Variants in RALYL observed in about 807,000 individuals in gnomAD.
RALYL encodes the protein RALY RNA binding protein like.
In RALYL, 29 loss-of-function variants were observed where a neutral mutation model predicts 35.1. The ratio of observed to expected loss-of-function variants is 0.83; its 90% CI spans 0.61 to 1.13. The LOEUF is 1.13. Among genes scored for constraint, RALYL ranks in the 50% most tolerant of loss-of-function variants. The pLI is 0.00. For missense variants in RALYL, 359 were observed against 360.4 expected (o/e 1.00, Z 0.03); for synonymous variants, 120 against 127.6 (o/e 0.94, Z 0.40).
chr8:84,478,979 G>T (rs1488983655), intron 1 of RALYL, among the ~76,000 whole-genome samples: 2 of 145,672 alleles, frequency 1.4e-5, no homozygotes, highest in Non-Finnish European at 3.0e-5. Flanking sequence ...CCAGCTACTC[G>T]GGAGGCTGAG....
intron 2 of RALYL, among the ~76,000 whole-genome samples, chr8:84,550,974 A>G (rs2060679761): frequency 6.6e-6 from 1 of 152,070 alleles, no homozygotes; most frequent in Non-Finnish European, 1.5e-5. Context: ...CATTAAATAG[A>G]GAAATTAAGA....
At chr8:84,305,751 C>T (rs1393350855) in intron 1 of RALYL, among the ~76,000 whole-genome samples, 2 of 152,108 alleles carry the variant, frequency 1.3e-5, no homozygotes, top group South Asian at 2.1e-4. Flanking sequence ...GCATTCATCC[C>T]AGCAGGTTGC....
chr8:84,579,672 T>C (rs575237762), intron 2 of RALYL, among the ~76,000 whole-genome samples: 3 of 152,360 alleles, frequency 2.0e-5, no homozygotes, highest in African/African-American at 7.2e-5. Context: ...TTATTTTAGT[T>C]ACTTGGGTTA....
chr8:84,756,643 C>G (rs1347079519), intron 2 of RALYL, among the ~76,000 whole-genome samples: 1 of 152,074 alleles, frequency 6.6e-6, no homozygotes, highest in African/African-American at 2.4e-5. Flanking sequence ...TGGAGCCCCA[C>G]TCTGAGGAGA....
intron 8 of RALYL, among the ~76,000 whole-genome samples, chr8:84,915,552 T>TCTACA (rs1848337916): frequency 6.6e-6 from 1 of 152,072 alleles, no homozygotes. Context: ...TATCTACAAA[T>TCTACA]AGAGCAAGCT....
At position 84,350,033 on chromosome 8, in the gene RALYL, T is replaced by TGGAGCCTAGGTCATATGTCTGG. The variant is rs529073749; in HGVS notation, c.-24+165630_-24+165631insGGGAGCCTAGGTCATATGTCTG. 7.3e-5 allele frequency among the ~76,000 whole-genome samples: 11 copies of TGGAGCCTAGGTCATATGTCTGG among 150,832 alleles called. No homozygotes were observed. The South Asian group carries it at 2.1e-3, about 29-fold the overall frequency. ...TCTCTTGATTTTTGCATTTGATTTC[T>TGGAGCCTAGGTCATATGTCTGG]GGAGCCTAGGTCATATGTCTGTATC... On this transcript the variant is annotated intron_variant, in intron 1 of 8. Transcript: ENST00000521268.
At chr8:84,657,136 A>C (rs1452897672) in intron 2 of RALYL, among the ~76,000 whole-genome samples, 2 of 152,206 alleles carry the variant, frequency 1.3e-5, no homozygotes, top group African/African-American at 4.8e-5. Flanking sequence ...TCTAGTGAAT[A>C]GTAACAAATC....
At chr8:84,207,538 AG>A (rs1818335798) in intron 1 of RALYL, among the ~76,000 whole-genome samples, 1 of 152,064 alleles carries the variant, frequency 6.6e-6, no homozygotes, top group African/African-American at 2.4e-5. Flanking sequence ...AGCAGAGAGT[AG>A]AATCATGGTT....
chr8:84,576,987 C>G (rs141368632), intron 2 of RALYL, among the ~76,000 whole-genome samples: 2 of 152,352 alleles, frequency 1.3e-5, no homozygotes, highest in African/African-American at 4.8e-5. Flanking sequence ...TGTAATTCCA[C>G]CACCTTGACT....
rs796107998 is a variant in RALYL, at chr8:84,263,919, C to T, written c.-24+79495C>T. On this transcript the variant is annotated intron_variant, in intron 1 of 8. Transcript: ENST00000521268. The stretch of plus-strand genomic sequence containing the variant: ...TGAGGATAATGGCTTCCAGCTTCAT[C>T]CATGTCCCTGCAAAGGACATGATCT... Among the ~76,000 whole-genome samples the T allele has an allele frequency of 1.4e-4, 22 of 152,258 alleles. 2 individuals are homozygous for T. Among genetic ancestry groups the T allele is most frequent in the African/African-American group, 5.3e-4 (22 of 41,550 alleles).
intron 1 of RALYL, among the ~76,000 whole-genome samples, chr8:84,320,180 T>G (rs893350802): frequency 6.6e-6 from 1 of 152,076 alleles, no homozygotes; most frequent in Non-Finnish European, 1.5e-5. Flanking sequence ...TTTACCATAT[T>G]TTGCTTAGGC....
intron 2 of RALYL, among the ~76,000 whole-genome samples, chr8:84,660,300 TTTA>T (rs1303122601): frequency 5.3e-5 from 8 of 152,082 alleles, no homozygotes; most frequent in Non-Finnish European, 1.2e-4. Context: ...TCCTAATTAG[TTTA>T]TTAAGTAGTT....
At chr8:84,429,489 CA>C (rs111959005) in intron 1 of RALYL, among the ~76,000 whole-genome samples, 53,551 of 151,682 alleles carry the variant, frequency 0.35, 9,702 homozygotes, top group South Asian at 0.52. Context: ...ATGCTTTTTC[CA>C]GAAAAATAAA....
chr8:84,505,268 T>G (rs1424072460), intron 1 of RALYL, among the ~76,000 whole-genome samples: 1 of 152,168 alleles, frequency 6.6e-6, no homozygotes, highest in Non-Finnish European at 1.5e-5. Context: ...TTTCCTTATG[T>G]GACAAATTTT....
intron 2 of RALYL, among the ~76,000 whole-genome samples, chr8:84,697,704 C>A (rs1454147077): frequency 6.6e-6 from 1 of 151,886 alleles, no homozygotes; most frequent in Non-Finnish European, 1.5e-5. Flanking sequence ...AAGCCTAGTA[C>A]CTATTAGTTA....
chr8:84,516,560 T>A (rs752955294), intron 1 of RALYL, among the ~76,000 whole-genome samples: 9 of 152,130 alleles, frequency 5.9e-5, no homozygotes, highest in Non-Finnish European at 1.0e-4. Context: ...TGGTGACAAC[T>A]CTATTGGACC....
At chr8:84,819,353 A>T (rs772203772) in intron 4 of RALYL, among the ~76,000 whole-genome samples, 1 of 152,210 alleles carries the variant, frequency 6.6e-6, no homozygotes, top group Non-Finnish European at 1.5e-5. Context: ...AAATGCTGTA[A>T]AAACATGTGA....
At chr8:84,796,291 C>T (rs1188429451) in intron 3 of RALYL, among the ~76,000 whole-genome samples, 1 of 152,178 alleles carries the variant, frequency 6.6e-6, no homozygotes, top group Non-Finnish European at 1.5e-5. Context: ...CCCAGGCCAG[C>T]CAGCACAGAA....
intron 3 of RALYL, among the ~76,000 whole-genome samples, chr8:84,775,325 C>G (rs769318376): frequency 1.3e-5 from 2 of 152,172 alleles, no homozygotes; most frequent in Non-Finnish European, 2.9e-5. Context: ...TTAATTTTCA[C>G]AAGACTCTTG....
Sources: allele counts gnomAD v4.1 joint callset (sites outside exome capture counted in the v4.1 genomes callset), GRCh38; gene constraint gnomAD v4.1.1; transcripts MANE v1.5; gene names NCBI Gene and HGNC (gene_info 2026-07-23, HGNC 2026-07-21).